Variants in MBTD1 observed in about 807,000 individuals in gnomAD.
MBTD1 encodes mbt domain containing 1.
Under a neutral mutation model 87.8 loss-of-function variants are expected in MBTD1, and 24 were observed. That is an observed-to-expected ratio of 0.27 (90% CI 0.20 to 0.38). MBTD1 has a LOEUF of 0.38. Among genes scored for constraint, MBTD1 ranks in the 10% least tolerant of loss-of-function variants. MBTD1 has a pLI of 1.00. For missense variants in MBTD1, 436 were observed against 760.2 expected (o/e 0.57, Z 5.02); for synonymous variants, 237 against 248.6 (o/e 0.95, Z 0.44).
chr17:51,192,557 TTG>T (rs1299009191), intron 15 of MBTD1: 1 of 771,162 alleles, frequency 1.3e-6, no homozygotes, highest in African/African-American at 1.8e-5. Flanking sequence ...TTGGTGACTG[TTG>T]TGTTTCTATA....
chr17:51,251,164 T>C lies in MBTD1; in HGVS notation c.-49+7979A>G, dbSNP rs1244835173. On this transcript the variant is annotated intron_variant, in intron 2 of 16. Coordinates refer to ENST00000586178, the MANE Select transcript of MBTD1 (RefSeq NM_017643.3). ...GGGGGTAGATTTTCATCAGTTGAAATGCTGATTCACATTTCCTGTTTGTTT... is the reference window on the plus strand; with the variant it reads ...GGGGGTAGATTTTCATCAGTTGAAACGCTGATTCACATTTCCTGTTTGTTT... The C allele has an allele frequency of 6.6e-5, 10 of 152,332 alleles. No individual in the cohort carries two copies. The East Asian group carries it at 1.9e-3, about 29-fold the overall frequency. 9.4% of individuals were successfully genotyped at this position (152,332 alleles called of 1,614,324 possible). A position where few individuals can be genotyped will look rare whatever the true frequency, so the allele number is the denominator to read the frequency against.
chr17:51,238,969 GT>G (rs2054008524), intron 2 of MBTD1, among the ~76,000 whole-genome samples: 1 of 152,006 alleles, frequency 6.6e-6, no homozygotes, highest in African/African-American at 2.4e-5. Context: ...GTGTGGTAAT[GT>G]GCGTCTGTAG....
chr17:51,252,479 ACTTTGGGAGACCAAG>A (rs2054846162), intron 2 of MBTD1, among the ~76,000 whole-genome samples: 1 of 152,108 alleles, frequency 6.6e-6, no homozygotes, highest in Admixed American at 6.5e-5. Flanking sequence ...TAATCCTAGC[ACTTTGGGAGACCAAG>A]GGTGGGTGGA....
Position 51,178,658 on chromosome 17 carries a change from G to C in MBTD1, c.*1918C>G, listed in dbSNP as rs1403893642. On this transcript the variant is annotated 3_prime_UTR_variant, in exon 17 of 17. Coordinates refer to ENST00000586178, the MANE Select transcript of MBTD1 (RefSeq NM_017643.3). ...CTTCTAGGCTTTAAGTTTACAAGAA[G>C]ATTTTTCAAAGTTAAAGATATGGGA... The C allele has an allele frequency of 6.6e-6, 1 of 152,146 alleles. No homozygotes were observed. Among genetic ancestry groups the C allele is most frequent in the Admixed American group, 6.6e-5 (1 of 15,266 alleles). 9.4% of individuals were successfully genotyped at this position (152,146 alleles called of 1,614,324 possible).
intron 4 of MBTD1, among the ~76,000 whole-genome samples, chr17:51,219,998 T>C (rs2052794724): frequency 1.3e-5 from 2 of 152,200 alleles, no homozygotes; most frequent in African/African-American, 2.4e-5. Flanking sequence ...AGATTCTACC[T>C]TGATGTTAAC....
intron 16 of MBTD1, among the ~76,000 whole-genome samples, chr17:51,188,753 G>GTTTTT (rs767959315): frequency 1.3e-4 from 14 of 108,866 alleles, no homozygotes; most frequent in Admixed American, 2.0e-4. Context: ...ATTCAAATAG[G>GTTTTT]TTTTTTTTTT....
In MBTD1 at chr17:51,195,349, C is replaced by T. The variant is rs1454178165; in HGVS notation, c.1237G>A (p.Gly413Arg). 1.2e-6 allele frequency: 2 copies of T among 1,604,772 alleles called. No homozygotes were observed. Among genetic ancestry groups the T allele is most frequent in the Non-Finnish European group, 1.7e-6 (2 of 1,175,314 alleles). The change falls in exon 13 of 17, where the codon GGA becomes AGA. Residue 413 changes from glycine to arginine, a missense_variant. Physicochemically the swap from Gly to Arg is moderately radical, Grantham distance 125. This residue lies in a region of MBTD1 where 268 missense variants were observed against 401.8 expected (regional missense o/e 0.67). Coordinates refer to ENST00000586178, the MANE Select transcript of MBTD1 (RefSeq NM_017643.3). ...VATIRKVLAD[G>R]FLMIGIDGSE... ...CCATCGATCCCAATCATCAGGAATCCGTCAGCTAGCACCTTTTCAATGAAG... is the reference window on the plus strand; with the variant it reads ...CCATCGATCCCAATCATCAGGAATCTGTCAGCTAGCACCTTTTCAATGAAG...
At chr17:51,251,027 G>C (rs2054748327) in intron 2 of MBTD1, 8 of 151,910 alleles carry the variant, frequency 5.3e-5, no homozygotes, top group Admixed American at 5.2e-4. Flanking sequence ...TTTGTTCTTT[G>C]TATTTGTTTC....
rs60957699 is a variant in MBTD1 at position 51,179,484 on chromosome 17, T to TATATATATATATATATA, written c.*1091_*1092insTATATATATATATATAT. The TATATATATATATATATA allele has an allele frequency of 3.4e-4, 12 of 35,294 alleles. 1 individual carries two copies. Among genetic ancestry groups the TATATATATATATATATA allele is most frequent in the African/African-American group, 4.2e-4 (5 of 11,892 alleles). The allele number at this position is 35,294 out of a possible 1,614,324, so 2.2% of individuals were successfully genotyped here. On this transcript the variant is annotated 3_prime_UTR_variant, in exon 17 of 17. Transcript: ENST00000586178. ...ATCCTGAATACAATTAAAGACAATTTTATATATATATATATATATATATAT... is the reference window on the plus strand; with the variant it reads ...ATCCTGAATACAATTAAAGACAATTTATATATATATATATATATATATATATATATATATATATATAT...
intron 3 of MBTD1, among the ~76,000 whole-genome samples, chr17:51,224,503 C>A (rs931158018): frequency 6.6e-6 from 1 of 152,224 alleles, no homozygotes; most frequent in African/African-American, 2.4e-5. Flanking sequence ...AATAAAGACA[C>A]TATTCTAGTA....
At chr17:51,232,632 CAG>C (rs1346507292) in intron 2 of MBTD1, among the ~76,000 whole-genome samples, 1 of 151,794 alleles carries the variant, frequency 6.6e-6, no homozygotes, top group Non-Finnish European at 1.5e-5. Context: ...AATAAGAGAA[CAG>C]AATGTAAAGA....
rs117564084 is a variant in MBTD1, at chr17:51,192,773, C to T, written c.1690+9G>A. The T allele has an allele frequency of 1.9e-6, 3 of 1,613,344 alleles. No homozygotes were observed. The highest frequency in any genetic ancestry group is 1.3e-5 in the African/African-American group (1 of 74,884). ...TACAAAAGGACACCTTTTCTGTATA[C>T]CAACTTACACTGTGATGCTGGAGGC... On this transcript the variant is annotated intron_variant, in intron 15 of 16. Transcript: ENST00000586178.
intron 2 of MBTD1, among the ~76,000 whole-genome samples, chr17:51,252,834 A>T (rs1177152730): frequency 6.6e-6 from 1 of 152,130 alleles, no homozygotes; most frequent in African/African-American, 2.4e-5. Context: ...GTAGGTAGGT[A>T]AACCTTGCTT....
intron 2 of MBTD1, among the ~76,000 whole-genome samples, chr17:51,230,829 A>T (rs1051967103): frequency 5.3e-5 from 8 of 152,052 alleles, no homozygotes; most frequent in Admixed American, 3.3e-4. Context: ...AAGACATTAT[A>T]AACTATTTAT....
intron 7 of MBTD1, among the ~76,000 whole-genome samples, chr17:51,204,966 T>C (rs78549954): frequency 0.019 from 2,837 of 152,228 alleles, 61 homozygotes; most frequent in African/African-American, 0.046. Flanking sequence ...ACAAAGAAAA[T>C]TATGTAAAAT....
intron 16 of MBTD1, chr17:51,191,949 A>G: frequency 7.1e-6 from 3 of 419,890 alleles, no homozygotes; most frequent in Non-Finnish European, 1.3e-5. Context: ...ATATTATTTC[A>G]AGAATCATTC....
At chr17:51,215,030 G>A (rs1476933733) in intron 6 of MBTD1, among the ~76,000 whole-genome samples, 3 of 152,206 alleles carry the variant, frequency 2.0e-5, no homozygotes, top group Non-Finnish European at 4.4e-5. Flanking sequence ...AAATGAATAT[G>A]CCAGTTAAGA....
chr17:51,241,834 A>G (rs111797736), intron 2 of MBTD1, among the ~76,000 whole-genome samples: 15,080 of 152,148 alleles, frequency 0.099, 929 homozygotes, highest in Non-Finnish European at 0.13. Flanking sequence ...GCAAAGTGCT[A>G]GGATTACAGG....
intron 7 of MBTD1, among the ~76,000 whole-genome samples, chr17:51,204,879 C>CTT (rs1364034187): frequency 6.6e-6 from 1 of 152,188 alleles, no homozygotes; most frequent in East Asian, 1.9e-4. Flanking sequence ...AATGTGGCTA[C>CTT]TTTAAGAATC....
Sources: allele counts gnomAD v4.1 joint callset (sites outside exome capture counted in the v4.1 genomes callset), GRCh38; gene constraint gnomAD v4.1.1; regional missense constraint gnomAD v4.1.1; transcripts MANE v1.5; gene names NCBI Gene and HGNC (gene_info 2026-07-23, HGNC 2026-07-21).